Variants in ANKMY1 observed in about 807,000 individuals in gnomAD.
ANKMY1 encodes ankyrin repeat and MYND domain-containing protein 1.
ANKMY1 carries 98 observed loss-of-function variants against 102.0 expected under a neutral mutation model. The observed-to-expected ratio is 0.96, with a 90% CI of 0.82 to 1.14. The LOEUF (loss-of-function observed/expected upper bound fraction) is 1.14. Among genes scored for constraint, ANKMY1 ranks in the 50% most tolerant of loss-of-function variants. The probability of loss-of-function intolerance (pLI) is 0.00; values close to 1 mark genes in which losing one functional copy is unlikely to be tolerated. For synonymous variants in ANKMY1, 582 were observed against 559.9 expected (o/e 1.04, Z -0.56); for missense variants, 1,330 against 1,347.6 (o/e 0.99, Z 0.20).
chr2:240,531,823 T>C (rs1281885843), intron 4 of ANKMY1, among the ~76,000 whole-genome samples: 1 of 152,244 alleles, frequency 6.6e-6, no homozygotes, highest in Non-Finnish European at 1.5e-5. Context: ...GAAATGACTA[T>C]ATGCATTTGC....
chr2:240,511,703 C>A (rs1483230774), intron 11 of ANKMY1, among the ~76,000 whole-genome samples, 158 bp downstream of exon 11: 2 of 152,242 alleles, frequency 1.3e-5, no homozygotes, highest in African/African-American at 2.4e-5. Flanking sequence ...AAATCCCGTC[C>A]TCCCGCCTTG....
chr2:240,512,890 C>CT lies in ANKMY1; in HGVS notation c.2056_2057insA (p.Gly686GlufsTer43), dbSNP rs1229784907. 1.9e-6 allele frequency: 3 copies of CT among 1,613,990 alleles called. No individual in the cohort carries two copies. Among genetic ancestry groups the CT allele is most frequent in the Middle Eastern group, 3.3e-4 (2 of 6,058 alleles). ...CAACAGCAGCTCCACAATCTGTACC[C>CT]CCTCCTCCCCAGGAAGGGCGGCAGC... On this transcript the variant is annotated frameshift_variant, in exon 10 of 18. Transcript: ENST00000401804. LOFTEE classifies it high-confidence loss of function.
intron 5 of ANKMY1, chr2:240,526,800 C>T: frequency 8.2e-7 from 1 of 1,214,248 alleles, no homozygotes; most frequent in South Asian, 1.7e-5. Flanking sequence ...GACCAACATA[C>T]ATGTGGTTCC....
At chr2:240,560,386 G>A (rs945004128), upstream of ANKMY1, 9 of 279,534 alleles carry the variant, frequency 3.2e-5, no homozygotes, top group Non-Finnish European at 3.9e-5. Flanking sequence ...CACAGGCCGC[G>A]GGGGCGGGGA....
At chr2:240,559,153 G>C (rs1437864562), upstream of ANKMY1, among the ~76,000 whole-genome samples, 1 of 152,184 alleles carries the variant, frequency 6.6e-6, no homozygotes, top group Non-Finnish European at 1.5e-5. Flanking sequence ...ATGAGATGCA[G>C]AGACACTTAG....
At chr2:240,558,081 C>A, upstream of ANKMY1, 1 of 747,474 alleles carries the variant, frequency 1.3e-6, no homozygotes, top group Non-Finnish European at 1.6e-6. Flanking sequence ...GCACCCGGCC[C>A]CGCCTCCGGG....
At position 240,545,703 on chromosome 2, in the gene ANKMY1, C is replaced by T. The variant is rs1228853416; in HGVS notation, c.480+7211G>A. ...GCTGAAAACCAAGGCTCGAGAACTA[C>T]GTGAAGAATGCAGAAGCCTCAGGAG... On this transcript the variant is annotated intron_variant, in intron 4 of 17. Transcript: ENST00000401804. Among the ~76,000 whole-genome samples the T allele has an allele frequency of 7.2e-5, 11 of 152,068 alleles. 1 individual carries two copies. Among genetic ancestry groups the T allele is most frequent in the Admixed American group, 2.0e-4 (3 of 15,288 alleles).
intron 13 of ANKMY1, among the ~76,000 whole-genome samples, chr2:240,505,882 G>A (rs2078987395): frequency 6.6e-6 from 1 of 152,168 alleles, no homozygotes. Context: ...CAAAGGACCA[G>A]GAATCAGCTC....
At chr2:240,541,249 A>G (rs1210264535) in intron 4 of ANKMY1, among the ~76,000 whole-genome samples, 1 of 152,114 alleles carries the variant, frequency 6.6e-6, no homozygotes, top group Non-Finnish European at 1.5e-5. Flanking sequence ...TGTTGTTTGC[A>G]GGGTGACCAA....
intron 13 of ANKMY1, among the ~76,000 whole-genome samples, chr2:240,505,807 C>T (rs1430037436): frequency 2.0e-5 from 3 of 152,130 alleles, no homozygotes; most frequent in Non-Finnish European, 2.9e-5. Context: ...TGAGAATATA[C>T]GTGGTATGTA....
chr2:240,548,028 C>G (rs1380719106), intron 4 of ANKMY1, among the ~76,000 whole-genome samples: 1 of 152,196 alleles, frequency 6.6e-6, no homozygotes. Context: ...CCAGCATCAT[C>G]CTGATACCAA....
chr2:240,536,585 T>A (rs1336851455), intron 4 of ANKMY1, among the ~76,000 whole-genome samples: 3 of 152,070 alleles, frequency 2.0e-5, no homozygotes, highest in African/African-American at 7.2e-5. Context: ...TTCAAACCCT[T>A]GAAGCAACAG....
In ANKMY1 at chr2:240,499,058, G is replaced by T. The variant is rs533621146; in HGVS notation, c.2806+900C>A. On this transcript the variant is annotated intron_variant, in intron 15 of 17. Transcript: ENST00000401804. This position sits in a 1 kb window ranked among gnomAD's most constrained non-coding sequence, Gnocchi z 4.2. ...AGCAACGCAAACGGACTAACAGCAC[G>T]TGGAAGTGTGTGGGGCGGAGCACTG... Among the ~76,000 whole-genome samples the T allele has an allele frequency of 2.6e-5, 4 of 152,178 alleles. No homozygotes were observed. Among genetic ancestry groups the T allele is most frequent in the Non-Finnish European group, 5.9e-5 (4 of 68,030 alleles).
chr2:240,526,326 T>C lies in ANKMY1; in HGVS notation c.1073A>G (p.Glu358Gly), dbSNP rs747592672. ...LSMEMILKAEEGNHEWICRIL... is the reference protein window; with the variant it reads ...LSMEMILKAEGGNHEWICRIL... ...CCTACAAATCCATTCGTGGTTCCCT[T>C]CCTCAGCCTTTAGGATCATCTCCAT... The change falls in exon 6 of 18, where the codon GAA becomes GGA. Residue 358 changes from glutamate to glycine, a missense_variant. Physicochemically the swap from Glu to Gly is moderately conservative, Grantham distance 98. Transcript: ENST00000401804. 6.2e-7 allele frequency: 1 copy of C among 1,614,202 alleles called. No homozygotes were observed. Among genetic ancestry groups the C allele is most frequent in the Admixed American group, 1.7e-5 (1 of 60,026 alleles).
chr2:240,471,291 T>C, the ANKMY1 span, among the ~76,000 whole-genome samples: 1 of 147,706 alleles, frequency 6.8e-6, no homozygotes, highest in East Asian at 2.0e-4. Flanking sequence ...ACAGAGTATC[T>C]GTCTGTCACC....
At chr2:240,469,474 A>C in the ANKMY1 span, among the ~76,000 whole-genome samples, 1 of 152,066 alleles carries the variant, frequency 6.6e-6, no homozygotes, top group Non-Finnish European at 1.5e-5. Context: ...CCACAGACAA[A>C]CTGACCCACC....
At chr2:240,472,167 G>A in the ANKMY1 span, among the ~76,000 whole-genome samples, 1 of 144,810 alleles carries the variant, frequency 6.9e-6, no homozygotes, top group African/African-American at 2.7e-5. Context: ...GAGCGGTCCT[G>A]CCCACCCAGG....
rs376792210 is a variant in ANKMY1, at chr2:240,510,039, T to C, written c.2287-584A>G. Among the ~76,000 whole-genome samples the C allele has an allele frequency of 5.2e-5, 7 of 134,024 alleles. No homozygotes were observed. In the East Asian group the frequency reaches 1.7e-3, roughly 32 times the overall value. The allele number at this position is 134,024 out of a possible 152,430, so 87.9% of individuals were successfully genotyped here. On this transcript the variant is annotated intron_variant, in intron 11 of 17. Coordinates refer to ENST00000401804, the MANE Select transcript of ANKMY1 (RefSeq NM_001282771.3). ...CTCCCCCGTCCCTGTCCTCCCTTCC[T>C]ATCTCCCTGCTCTCCTTCCCCATTC...
intron 3 of ANKMY1, 50 bp from the exon 4 acceptor site, chr2:240,553,107 C>T (rs770985840): frequency 1.9e-5 from 31 of 1,596,988 alleles, no homozygotes; most frequent in South Asian, 6.7e-5. Context: ...CAGAACCTGA[C>T]GGGATGCCCT....
Sources: allele counts gnomAD v4.1 joint callset (sites outside exome capture counted in the v4.1 genomes callset), GRCh38; gene constraint gnomAD v4.1.1; non-coding constraint Gnocchi (gnomAD v3.1); transcripts MANE v1.5; gene names NCBI Gene and HGNC (gene_info 2026-07-23, HGNC 2026-07-21).